CR1L: variants seen among roughly 807,000 people sequenced by gnomAD.
The protein encoded by CR1L is complement component receptor 1-like protein.
A neutral mutation model predicts 62.3 loss-of-function variants in CR1L; 59 were observed. The ratio of observed to expected loss-of-function variants is 0.95; its 90% CI spans 0.77 to 1.18. The LOEUF (loss-of-function observed/expected upper bound fraction) is 1.18, where lower values mean the gene tolerates loss of function less well. CR1L is among the 50% of genes most tolerant of loss of function. The pLI, the probability that CR1L is intolerant of heterozygous loss-of-function variation, is 0.00. For synonymous variants in CR1L, 279 were observed against 248.7 expected (o/e 1.12, Z -1.15); for missense variants, 700 against 702.8 (o/e 1.00, Z 0.04).
In CR1L at chr1:207,686,924, C is replaced by A. The variant is rs1663920449; in HGVS notation, c.463+2967C>A. 2.6e-5 allele frequency among the ~76,000 whole-genome samples: 4 copies of A among 152,296 alleles called. 1 individual carries two copies. The South Asian group carries it at 8.3e-4, about 32-fold the overall frequency. The stretch of plus-strand genomic sequence containing the variant: ...GCCCCTCCTGCCATGGGAAGAAATG[C>A]TGAATCTGCCAGAGAGGTTGGTCCT... On this transcript the variant is annotated intron_variant, in intron 4 of 11. Coordinates refer to ENST00000508064, the MANE Select transcript of CR1L (RefSeq NM_175710.2).
intron 1 of CR1L, 141 bp downstream of exon 1, chr1:207,645,471 G>A: frequency 1.1e-6 from 1 of 917,440 alleles, no homozygotes; most frequent in East Asian, 2.6e-5. Flanking sequence ...TCCGAGGGGT[G>A]CCGTGCTCAG....
intron 4 of CR1L, among the ~76,000 whole-genome samples, chr1:207,693,367 C>T (rs1392001949): frequency 6.6e-6 from 1 of 150,696 alleles, no homozygotes; most frequent in Non-Finnish European, 1.5e-5. Context: ...ATCTGCCCAC[C>T]TGGGCCACCC....
intron 9 of CR1L, among the ~76,000 whole-genome samples, chr1:207,707,316 A>G (rs1207579124): frequency 1.3e-5 from 2 of 152,186 alleles, no homozygotes; most frequent in Admixed American, 6.6e-5. Flanking sequence ...TCGTGAAATC[A>G]TGAAAAAGGT....
At chr1:207,707,692 C>T (rs1268556065) in intron 9 of CR1L, among the ~76,000 whole-genome samples, 7 of 151,718 alleles carry the variant, frequency 4.6e-5, no homozygotes, top group Non-Finnish European at 8.8e-5. Flanking sequence ...TTGGTTTAAA[C>T]TTCTTGTCAA....
chr1:207,710,315 C>A, intron 10 of CR1L: 1 of 988,564 alleles, frequency 1.0e-6, no homozygotes, highest in Non-Finnish European at 1.6e-6. Flanking sequence ...TGCACTCCAG[C>A]CTGGGCGACA....
chr1:207,717,623 C>T lies in CR1L; in HGVS notation c.1574C>T (p.Thr525Ile), dbSNP rs1654034623. 2 of 1,613,856 alleles carry T rather than the reference C, an allele frequency of 1.2e-6. No individual in the cohort carries two copies. Among genetic ancestry groups the T allele is most frequent in the African/African-American group, 2.7e-5 (2 of 74,918 alleles). The change falls in exon 11 of 12, where the codon ACA (threonine) becomes ATA (isoleucine). Residue 525 changes from threonine to isoleucine, a missense_variant. Coordinates refer to ENST00000508064, the MANE Select transcript of CR1L (RefSeq NM_175710.2). ...ATTGGGGAGAGCACCATCCGCCGCACAAGTGAACCTCATGGGAATGGGGTT... is the reference window on the plus strand; with the variant it reads ...ATTGGGGAGAGCACCATCCGCCGCATAAGTGAACCTCATGGGAATGGGGTT... ...NLIGESTIRR[T>I]SEPHGNGVWS...
chr1:207,667,687 C>T (rs575559539), intron 1 of CR1L, among the ~76,000 whole-genome samples: 1 of 152,096 alleles, frequency 6.6e-6, no homozygotes, highest in South Asian at 2.1e-4. Flanking sequence ...AATGATTGTA[C>T]ACATTTATGG....
chr1:207,700,352 T>C (rs1369757509), intron 8 of CR1L, among the ~76,000 whole-genome samples: 2 of 152,208 alleles, frequency 1.3e-5, no homozygotes, highest in African/African-American at 4.8e-5. Context: ...GCATGAAAGC[T>C]CATTGATTGG....
In CR1L at chr1:207,670,407, T is replaced by C. The variant is rs969797886; in HGVS notation, c.98-6982T>C. On this transcript the variant is annotated intron_variant, in intron 1 of 11. Transcript: ENST00000508064. ...ACAAAATAAAGCCTATTATAACTACTATGGAAATTTTGAGGCCACATCTCT... is the reference window on the plus strand; with the variant it reads ...ACAAAATAAAGCCTATTATAACTACCATGGAAATTTTGAGGCCACATCTCT... Among the ~76,000 whole-genome samples the C allele has an allele frequency of 2.0e-5, 3 of 151,148 alleles. 1 individual carries two copies. Among genetic ancestry groups the C allele is most frequent in the African/African-American group, 7.4e-5 (3 of 40,432 alleles).
In CR1L at chr1:207,723,694, A is replaced by T. The variant is rs1173428623; in HGVS notation, c.*9A>T. ...AATTCTGTCATCTTTAACAGTAAGT[A>T]CCTACTTATAATGAATGCAATGTAG... is the stretch of plus-strand genomic sequence containing the variant. On this transcript the variant is annotated 3_prime_UTR_variant, in exon 12 of 12. Transcript: ENST00000508064. 6.5e-7 allele frequency: 1 copy of T among 1,536,892 alleles called. No individual in the cohort carries two copies. The highest frequency in any genetic ancestry group is 1.8e-5 in the Admixed American group (1 of 54,096).
intron 8 of CR1L, 109 bp from the exon 9 acceptor site, chr1:207,701,410 T>A: frequency 1.4e-6 from 2 of 1,400,268 alleles, no homozygotes; most frequent in Non-Finnish European, 1.0e-6. Context: ...TCTGTGGAAC[T>A]ATCAGAACTG....
At chr1:207,680,254 G>A (rs749152657) in intron 3 of CR1L, among the ~76,000 whole-genome samples, 4 of 152,170 alleles carry the variant, frequency 2.6e-5, no homozygotes, top group East Asian at 1.9e-4. Flanking sequence ...CATTATTGCT[G>A]TGAACCAAAA....
In CR1L at chr1:207,668,874, A is replaced by G. The variant is rs144372303; in HGVS notation, c.98-8515A>G. Reference sequence around the variant, plus strand: ...ATTGCTTTAATCTAGTCTCCATACTATACACAGATTTACATTTTTTGAATA... The same window carrying G: ...ATTGCTTTAATCTAGTCTCCATACTGTACACAGATTTACATTTTTTGAATA... On this transcript the variant is annotated intron_variant, in intron 1 of 11. Transcript: ENST00000508064. Among the ~76,000 whole-genome samples, 1,062 of 151,070 alleles carry G rather than the reference A, an allele frequency of 7.0e-3. 74 individuals carry two copies. The highest frequency in any genetic ancestry group is 0.025 in the African/African-American group (1,001 of 40,378).
intron 10 of CR1L, among the ~76,000 whole-genome samples, chr1:207,716,668 G>A (rs2102483102): frequency 6.6e-6 from 1 of 152,238 alleles, no homozygotes; most frequent in African/African-American, 2.4e-5. Flanking sequence ...GACACATAGA[G>A]CTGAAAATAA....
chr1:207,701,193 T>A (rs1354368014), intron 8 of CR1L, among the ~76,000 whole-genome samples: 1 of 152,226 alleles, frequency 6.6e-6, no homozygotes, highest in African/African-American at 2.4e-5. Context: ...TCTGTTTGAA[T>A]AACTAGGTGG....
chr1:207,669,347 G>C, intron 1 of CR1L: 1 of 768,914 alleles, frequency 1.3e-6, no homozygotes, highest in South Asian at 1.5e-5. Context: ...CTCTGGGCGC[G>C]GAGCACAAGG....
At chr1:207,711,581 G>A (rs1394922456) in intron 10 of CR1L, 2 of 152,260 alleles carry the variant, frequency 1.3e-5, no homozygotes, top group African/African-American at 4.8e-5. Flanking sequence ...TAAATAACAC[G>A]CCCCTCAATT....
At chr1:207,702,198 C>G (rs571854100) in intron 9 of CR1L, among the ~76,000 whole-genome samples, 1 of 152,252 alleles carries the variant, frequency 6.6e-6, no homozygotes, top group South Asian at 2.1e-4. Context: ...ATTATCATGT[C>G]TGTGATAGTG....
In CR1L at chr1:207,652,412, G is replaced by A. The variant is rs60686677; in HGVS notation, c.97+7082G>A. 0.015 allele frequency: 9,428 copies of A among 640,498 alleles called. 637 individuals are homozygous for A. In the African/African-American group the frequency reaches 0.15, roughly 10 times the overall value. The allele number at this position is 640,498 out of a possible 1,614,324, so 39.7% of individuals were successfully genotyped here. A position where few individuals can be genotyped will look rare whatever the true frequency, so the allele number is the denominator to read the frequency against. On this transcript the variant is annotated intron_variant, in intron 1 of 11. Coordinates refer to ENST00000508064, the MANE Select transcript of CR1L (RefSeq NM_175710.2). ...CACTACTACCAGCACTCAGGTAAAA[G>A]CATGGAACAGTCATTTAAAATCTTG...
Sources: allele counts gnomAD v4.1 joint callset (sites outside exome capture counted in the v4.1 genomes callset), GRCh38; gene constraint gnomAD v4.1.1; transcripts MANE v1.5; gene names NCBI Gene and HGNC (gene_info 2026-07-23, HGNC 2026-07-21).